Variants in IFT140 observed in about 807,000 individuals in gnomAD.
The protein encoded by IFT140 is intraflagellar transport 140, also known as intraflagellar transport protein 140 homolog.
A neutral mutation model predicts 164.6 loss-of-function variants in IFT140; 133 were observed. The observed-to-expected ratio is 0.81, with a 90% CI of 0.70 to 0.93. The LOEUF (loss-of-function observed/expected upper bound fraction) is 0.93, where lower values mean the gene tolerates loss of function less well. Ranked by LOEUF, IFT140 falls within the 40% of genes least tolerant of loss-of-function variation. The pLI, the probability that IFT140 is intolerant of heterozygous loss-of-function variation, is 0.00. For synonymous variants in IFT140, 860 were observed against 817.3 expected, an observed-to-expected ratio of 1.05 and a Z score of -0.89; for missense variants, 2,045 against 1,972.3, an observed-to-expected ratio of 1.04 and a Z score of -0.70.
intron 10 of IFT140, among the ~76,000 whole-genome samples, chr16:1,585,218 A>G (rs1413162250): frequency 6.6e-6 from 1 of 152,260 alleles, no homozygotes; most frequent in Non-Finnish European, 1.5e-5. Context: ...TGTTCACAGC[A>G]GAGAATGTGA....
chr16:1,563,235 G>A (rs2033517694), intron 17 of IFT140, among the ~76,000 whole-genome samples: 1 of 151,968 alleles, frequency 6.6e-6, no homozygotes, highest in African/African-American at 2.4e-5. Context: ...CCCGCTCAGC[G>A]CCTGAGAACC....
chr16:1,593,000 CTGG>C (rs2035271115), intron 4 of IFT140, among the ~76,000 whole-genome samples: 1 of 150,690 alleles, frequency 6.6e-6, no homozygotes, highest in Non-Finnish European at 1.5e-5. Context: ...GACAGGTGTC[CTGG>C]CAGAGTGACT....
intron 19 of IFT140, among the ~76,000 whole-genome samples, chr16:1,540,181 C>T (rs182702095): frequency 6.6e-6 from 1 of 152,220 alleles, no homozygotes; most frequent in Non-Finnish European, 1.5e-5. Flanking sequence ...CAGATGTGAG[C>T]GCTGGAGCAG....
At chr16:1,608,749 C>T (rs1226959745) in intron 2 of IFT140, among the ~76,000 whole-genome samples, 1 of 151,606 alleles carries the variant, frequency 6.6e-6, no homozygotes, top group Non-Finnish European at 1.5e-5. Context: ...TGTTTAGAGA[C>T]AGGGCCCCCA....
At chr16:1,534,495 G>A in intron 19 of IFT140, 1 of 1,609,582 alleles carries the variant, frequency 6.2e-7, no homozygotes, top group South Asian at 1.1e-5. Context: ...ACATGACTGT[G>A]AGGCGCTGGG....
intron 22 of IFT140, 69 bp from the exon 23 acceptor site, chr16:1,524,985 G>A (rs541807562): frequency 2.5e-5 from 30 of 1,192,590 alleles, no homozygotes; most frequent in South Asian, 6.2e-5. Flanking sequence ...CCCCCACCCC[G>A]CCCCTGTGCC....
chr16:1,586,028 C>G (rs2034856584), intron 10 of IFT140, 102 bp downstream of exon 10: 1 of 1,434,386 alleles, frequency 7.0e-7, no homozygotes, highest in South Asian at 1.1e-5. Context: ...GCCTTGGCCT[C>G]CCAAAGTGCT....
At chr16:1,597,785 TTCTA>T (rs978696857) in intron 4 of IFT140, among the ~76,000 whole-genome samples, 3 of 152,212 alleles carry the variant, frequency 2.0e-5, no homozygotes, top group African/African-American at 7.2e-5. Flanking sequence ...TGCTAGCTGT[TTCTA>T]TCTTTCTTTT....
chr16:1,608,440 G>A (rs1258515150), intron 2 of IFT140, among the ~76,000 whole-genome samples: 3 of 151,686 alleles, frequency 2.0e-5, no homozygotes, highest in Non-Finnish European at 2.9e-5. Flanking sequence ...ACCAGCCTGG[G>A]CAAAATGGCG....
At position 1,520,125 on chromosome 16, in the gene IFT140, C is replaced by G. The variant is rs1385125864; in HGVS notation, c.3873+6G>C. 2 of 1,613,632 alleles carry G rather than the reference C, an allele frequency of 1.2e-6. No individual in the cohort carries two copies. The highest frequency in any genetic ancestry group is 1.1e-5 in the South Asian group (1 of 91,082). ...GCCCCGCTGGCATGCCAGGGAGGGC[C>G]TGCACCTGGGCACAAGCGTCATAAA... On this transcript the variant is annotated splice_donor_region_variant and intron_variant, in intron 28 of 30. Transcript: ENST00000426508.
intron 19 of IFT140, among the ~76,000 whole-genome samples, chr16:1,529,625 G>A (rs1445215142): frequency 2.6e-5 from 4 of 152,182 alleles, no homozygotes; most frequent in African/African-American, 4.8e-5. Context: ...TGCTGCCCTC[G>A]GTCCTCTAGA....
At position 1,531,931 on chromosome 16, in the gene IFT140, T is replaced by A. The variant is rs2030539677; in HGVS notation, c.2400-5135A>T. 1 of 152,288 alleles carries A rather than the reference T, an allele frequency of 6.6e-6. No homozygotes were observed. The highest frequency in any genetic ancestry group is 1.9e-4 in the East Asian group (1 of 5,196). The allele number at this position is 152,288 out of a possible 1,614,324, so 9.4% of individuals were successfully genotyped here. On this transcript the variant is annotated intron_variant, in intron 19 of 30. Transcript: ENST00000426508. This position sits in a 1 kb window ranked among gnomAD's most constrained non-coding sequence, Gnocchi z 4.7. ...GCTCTGAAACCCAGCATTGGCTTTTTGTTGGAAGTTAGCCATTTGAAGACT... is the reference window on the plus strand; with the variant it reads ...GCTCTGAAACCCAGCATTGGCTTTTAGTTGGAAGTTAGCCATTTGAAGACT...
intron 10 of IFT140, among the ~76,000 whole-genome samples, chr16:1,584,929 A>G (rs2034788509): frequency 6.6e-6 from 1 of 152,218 alleles, no homozygotes; most frequent in Admixed American, 6.5e-5. Context: ...GACATCAGAA[A>G]CTGCTCTGAA....
chr16:1,602,430 T>TC lies in IFT140; in HGVS notation c.308_309insG (p.Ala104SerfsTer74). 1.2e-6 allele frequency: 2 copies of TC among 1,614,230 alleles called. No individual in the cohort carries two copies. Among genetic ancestry groups the TC allele is most frequent in the Non-Finnish European group, 1.7e-6 (2 of 1,180,050 alleles). On this transcript the variant is annotated frameshift_variant, in exon 4 of 31. Coordinates refer to ENST00000426508, the MANE Select transcript of IFT140 (RefSeq NM_014714.4). LOFTEE classifies it high-confidence loss of function. ...TCCAACGGAGCACGGTGATGTCGGC[T>TC]GTGTGTGTCAGGGGCATCGTGTGCT...
intron 19 of IFT140, among the ~76,000 whole-genome samples, chr16:1,545,075 GT>G (rs2032053204): frequency 6.6e-6 from 1 of 152,224 alleles, no homozygotes; most frequent in Non-Finnish European, 1.5e-5. Context: ...ACAAGATAGT[GT>G]TTCTAAATGT....
intron 20 of IFT140, 124 bp from the exon 21 acceptor site, chr16:1,526,201 G>T: frequency 1.1e-6 from 1 of 917,472 alleles, no homozygotes; most frequent in Non-Finnish European, 1.6e-6. Flanking sequence ...GACACACGGG[G>T]CCGCTGTGGG....
At chr16:1,593,430 G>T (rs1370125168) in intron 4 of IFT140, among the ~76,000 whole-genome samples, 5 of 151,856 alleles carry the variant, frequency 3.3e-5, no homozygotes, top group Non-Finnish European at 7.4e-5. Context: ...TCCTGCCTCA[G>T]CCTCCTGAGT....
intron 19 of IFT140, among the ~76,000 whole-genome samples, chr16:1,547,728 G>T (rs1445213510): frequency 6.6e-6 from 1 of 152,166 alleles, no homozygotes; most frequent in Non-Finnish European, 1.5e-5. Flanking sequence ...TAGAGATGGG[G>T]TTTCACCATG....
At chr16:1,585,987 G>A in intron 10 of IFT140, 143 bp downstream of exon 10, 2 of 916,084 alleles carry the variant, frequency 2.2e-6, no homozygotes, top group Non-Finnish European at 3.5e-6. Flanking sequence ...TAGCCAGGAT[G>A]GTCTCGATCT....
Sources: allele counts gnomAD v4.1 joint callset (sites outside exome capture counted in the v4.1 genomes callset), GRCh38; gene constraint gnomAD v4.1.1; non-coding constraint Gnocchi (gnomAD v3.1); transcripts MANE v1.5; gene names NCBI Gene and HGNC (gene_info 2026-07-23, HGNC 2026-07-21).